The following MAST4 variants were observed in gnomAD, a reference collection of about 807,000 sequenced individuals.
MAST4 encodes microtubule-associated serine/threonine-protein kinase 4.
In MAST4, 89 loss-of-function variants were observed where a neutral mutation model predicts 162.7. That is an observed-to-expected ratio of 0.55 (90% CI 0.46 to 0.65). The LOEUF is 0.65. Ranked by LOEUF, MAST4 falls within the 30% of genes least tolerant of loss-of-function variation. The pLI, the probability that MAST4 is intolerant of heterozygous loss-of-function variation, is 0.00. For synonymous variants in MAST4, 1,479 were observed against 1,361.1 expected (o/e 1.09, Z -1.91); for missense variants, 3,153 against 3,374.0 (o/e 0.93, Z 1.62).
At chr5:67,133,426 T>C (rs1412728994) in intron 16 of MAST4, 88 bp from the exon 17 acceptor site, 1 of 1,450,820 alleles carries the variant, frequency 6.9e-7, no homozygotes, top group Non-Finnish European at 9.5e-7. Flanking sequence ...TTAAATAGTC[T>C]TAGAAACTGA....
At chr5:66,900,050 C>A in intron 4 of MAST4, 68 bp downstream of exon 4, 1 of 1,085,306 alleles carries the variant, frequency 9.2e-7, no homozygotes, top group Non-Finnish European at 1.3e-6. Context: ...TGATTCTTCT[C>A]TGATTCATTA....
At chr5:67,075,281 C>G (rs1039496906) in intron 5 of MAST4, among the ~76,000 whole-genome samples, 2 of 151,458 alleles carry the variant, frequency 1.3e-5, no homozygotes, top group South Asian at 4.2e-4. Flanking sequence ...AGGTGATCCT[C>G]CCACCTCAGC....
chr5:67,078,933 T>TATA (rs1561622601), intron 5 of MAST4, among the ~76,000 whole-genome samples: 1 of 97,188 alleles, frequency 1.0e-5, no homozygotes, highest in African/African-American at 4.7e-5. Context: ...TATATATATA[T>TATA]ATATATATAT....
At chr5:67,095,702 T>C (rs1279500925) in intron 7 of MAST4, 27 bp downstream of exon 7, 10 of 1,507,196 alleles carry the variant, frequency 6.6e-6, no homozygotes, top group South Asian at 2.6e-5. Context: ...TTTTTTTTTT[T>C]TCTCTTCCTC....
intron 14 of MAST4, among the ~76,000 whole-genome samples, chr5:67,126,052 G>A (rs1308473907): frequency 6.6e-6 from 1 of 152,142 alleles, no homozygotes; most frequent in African/African-American, 2.4e-5. Context: ...CTTTTGAGAA[G>A]TGTCTGTTCA....
intron 10 of MAST4, among the ~76,000 whole-genome samples, chr5:67,105,841 CTAGAGTA>C (rs1765536089): frequency 6.6e-6 from 1 of 152,158 alleles, no homozygotes; most frequent in Admixed American, 6.5e-5. Context: ...CTTCTCTACA[CTAGAGTA>C]TAAAGTCTCT....
chr5:66,959,263 G>A (rs1745702609), intron 4 of MAST4: 2 of 779,728 alleles, frequency 2.6e-6, no homozygotes, highest in South Asian at 2.7e-5. Context: ...AGCCCAGCGG[G>A]AAAGGCTACA....
intron 4 of MAST4, among the ~76,000 whole-genome samples, chr5:66,909,267 A>G (rs771325733): frequency 6.6e-6 from 1 of 152,046 alleles, no homozygotes; most frequent in Non-Finnish European, 1.5e-5. Flanking sequence ...TGCTGTGGAG[A>G]CAGATGACAC....
At chr5:66,651,225 C>T (rs1470033698) in intron 1 of MAST4, among the ~76,000 whole-genome samples, 2 of 151,696 alleles carry the variant, frequency 1.3e-5, no homozygotes, top group Non-Finnish European at 2.9e-5. Flanking sequence ...GTAATAGCTG[C>T]TATTCAGGAA....
At chr5:66,627,688 G>T (rs2149416728) in intron 1 of MAST4, among the ~76,000 whole-genome samples, 1 of 151,328 alleles carries the variant, frequency 6.6e-6, no homozygotes, top group African/African-American at 2.4e-5. Flanking sequence ...TATTATTAAA[G>T]AAAAAACTTC....
intron 4 of MAST4, among the ~76,000 whole-genome samples, chr5:66,969,434 A>G (rs1380594905): frequency 2.6e-5 from 4 of 152,210 alleles, no homozygotes; most frequent in Non-Finnish European, 5.9e-5. Context: ...CTCGCTGGCA[A>G]TGTAAGAACA....
chr5:67,004,913 C>A, intron 4 of MAST4: 1 of 689,380 alleles, frequency 1.5e-6, no homozygotes, highest in South Asian at 1.6e-5. Flanking sequence ...TATTTTTGGC[C>A]TTGTCTTTCT....
At chr5:67,019,176 C>T (rs938617252) in intron 4 of MAST4, among the ~76,000 whole-genome samples, 6 of 152,142 alleles carry the variant, frequency 3.9e-5, no homozygotes, top group Admixed American at 6.5e-5. Flanking sequence ...AAGACTGGGG[C>T]GGGTTGATGG....
At chr5:66,801,025 T>C (rs927830380) in intron 3 of MAST4, among the ~76,000 whole-genome samples, 3 of 152,224 alleles carry the variant, frequency 2.0e-5, no homozygotes, top group African/African-American at 4.8e-5. Flanking sequence ...TTTGTCAAAT[T>C]TGGCTATCAT....
chr5:66,734,553 T>C (rs991173377), intron 1 of MAST4, among the ~76,000 whole-genome samples: 7 of 152,232 alleles, frequency 4.6e-5, no homozygotes, highest in Non-Finnish European at 8.8e-5. Context: ...ATACTTTCTG[T>C]TCAAGACTAA....
At chr5:67,049,040 T>TATATATATATAC (rs1554087420) in intron 4 of MAST4, among the ~76,000 whole-genome samples, 2 of 96,738 alleles carry the variant, frequency 2.1e-5, no homozygotes, top group African/African-American at 5.4e-5. Flanking sequence ...TATATATATA[T>TATATATATATAC]ACGTGTATAT....
intron 2 of MAST4, among the ~76,000 whole-genome samples, chr5:66,777,485 G>A (rs901988778): frequency 1.3e-5 from 2 of 152,168 alleles, no homozygotes; most frequent in Non-Finnish European, 2.9e-5. Flanking sequence ...AAGGTCACAC[G>A]GTGGATACAT....
At chr5:66,739,234 T>C (rs1308226979) in intron 1 of MAST4, among the ~76,000 whole-genome samples, 1 of 152,238 alleles carries the variant, frequency 6.6e-6, no homozygotes, top group East Asian at 1.9e-4. Context: ...ATATCATTTA[T>C]GTAACATAAA....
intron 3 of MAST4, among the ~76,000 whole-genome samples, chr5:66,856,762 G>A (rs953465848): frequency 2.0e-5 from 3 of 152,230 alleles, no homozygotes; most frequent in African/African-American, 7.2e-5. Context: ...TCTTTGGATT[G>A]TGCTTTTTAT....
Sources: gnomAD v4.1 joint callset for allele counts (sites outside exome capture counted in the v4.1 genomes callset) on GRCh38, gnomAD v4.1.1 for gene constraint, MANE v1.5 for transcripts, NCBI Gene and HGNC (gene_info 2026-07-23, HGNC 2026-07-21) for gene names.